The following EYS variants were observed in gnomAD, a reference collection of about 807,000 sequenced individuals.
EYS encodes EGF-like photoreceptor maintenance factor.
EYS carries 250 observed loss-of-function variants against 282.1 expected under a neutral mutation model. That is an observed-to-expected ratio of 0.89 (90% confidence interval 0.80 to 0.98). The LOEUF (loss-of-function observed/expected upper bound fraction) is 0.98. Ranked by LOEUF, EYS falls within the 50% of genes least tolerant of loss-of-function variation. EYS has a pLI of 0.00. For synonymous variants in EYS, 1,355 were observed against 1,282.9 expected (o/e 1.06, Z -1.20); for missense variants, 4,016 against 3,709.0 (o/e 1.08, Z -2.15).
intron 12 of EYS, among the ~76,000 whole-genome samples, chr6:65,156,129 T>C (rs951383137): frequency 1.3e-5 from 2 of 151,250 alleles, no homozygotes; most frequent in African/African-American, 2.4e-5. Flanking sequence ...AGAAATATAA[T>C]TAATGAGACC....
chr6:65,062,142 C>T (rs1773595519), intron 12 of EYS, among the ~76,000 whole-genome samples: 1 of 151,898 alleles, frequency 6.6e-6, no homozygotes, highest in Admixed American at 6.6e-5. Flanking sequence ...TTTCTCCAGT[C>T]CCAGGAACTC....
chr6:64,160,279 A>C (rs1775064365), intron 31 of EYS, among the ~76,000 whole-genome samples: 1 of 152,238 alleles, frequency 6.6e-6, no homozygotes, highest in Non-Finnish European at 1.5e-5. Flanking sequence ...TTACAGTAGC[A>C]CATATGGTAT....
intron 26 of EYS, among the ~76,000 whole-genome samples, chr6:64,456,466 T>C (rs1775562646): frequency 6.6e-6 from 1 of 152,044 alleles, no homozygotes; most frequent in African/African-American, 2.4e-5. Flanking sequence ...ACCAATTACA[T>C]ATATGGGATC....
At chr6:65,174,590 G>T (rs1253542816) in intron 12 of EYS, among the ~76,000 whole-genome samples, 2 of 151,220 alleles carry the variant, frequency 1.3e-5, no homozygotes, top group African/African-American at 2.4e-5. Flanking sequence ...AGAACAAAAT[G>T]TCTTAAAAGA....
intron 34 of EYS, among the ~76,000 whole-genome samples, chr6:63,997,839 A>C (rs1324911048): frequency 6.6e-6 from 1 of 152,232 alleles, no homozygotes; most frequent in Non-Finnish European, 1.5e-5. Flanking sequence ...TATGCTATTC[A>C]TAAGAAAATA....
At chr6:64,488,796 A>C (rs1776649325) in intron 26 of EYS, among the ~76,000 whole-genome samples, 1 of 150,998 alleles carries the variant, frequency 6.6e-6, no homozygotes, top group South Asian at 2.1e-4. Flanking sequence ...AAAAGTATAT[A>C]GGCTTTGGAA....
intron 12 of EYS, among the ~76,000 whole-genome samples, chr6:65,265,924 T>G (rs913872524): frequency 6.6e-6 from 1 of 151,962 alleles, no homozygotes; most frequent in Non-Finnish European, 1.5e-5. Context: ...AAATACAGAA[T>G]TTGATAATAT....
intron 2 of EYS, among the ~76,000 whole-genome samples, chr6:65,566,383 A>G (rs1367332248): frequency 2.0e-5 from 3 of 152,034 alleles, no homozygotes; most frequent in African/African-American, 7.2e-5. Context: ...ATGAGGGGAC[A>G]AGACCTCGAA....
At chr6:64,758,333 T>G (rs1457261187) in intron 22 of EYS, among the ~76,000 whole-genome samples, 3 of 152,158 alleles carry the variant, frequency 2.0e-5, no homozygotes, top group South Asian at 2.1e-4. Context: ...TAGGGGCAAA[T>G]GACAACATCA....
intron 41 of EYS, among the ~76,000 whole-genome samples, 165 bp downstream of exon 41, chr6:63,762,296 C>G (rs1449060364): frequency 6.6e-6 from 1 of 151,964 alleles, no homozygotes; most frequent in Non-Finnish European, 1.5e-5. Context: ...ATTTTAAGTA[C>G]TAGTCTATCT....
At chr6:65,621,409 G>GATCTTCCTCCATCCTTTTAT (rs1326239835) in intron 2 of EYS, among the ~76,000 whole-genome samples, 6 of 151,220 alleles carry the variant, frequency 4.0e-5, no homozygotes, top group Non-Finnish European at 8.8e-5. Flanking sequence ...TGGCTTGGTA[G>GATCTTCCTCCATCCTTTTAT]ATCTTCCTCC....
chr6:65,606,622 C>T (rs1042010493), intron 2 of EYS, among the ~76,000 whole-genome samples: 1 of 151,614 alleles, frequency 6.6e-6, no homozygotes. Flanking sequence ...ACTCAAAATA[C>T]GGAAAACTGA....
chr6:64,324,776 T>C (rs1415775607), intron 29 of EYS, among the ~76,000 whole-genome samples: 1 of 152,172 alleles, frequency 6.6e-6, no homozygotes, highest in Admixed American at 6.5e-5. Flanking sequence ...GATTTCAGGA[T>C]ACAAAATCAA....
In EYS at chr6:65,005,810, G is replaced by C. The variant is rs530730798; in HGVS notation, c.2138-8107C>G. Among the ~76,000 whole-genome samples the C allele has an allele frequency of 1.7e-5, 2 of 119,160 alleles. 1 individual carries two copies. Among genetic ancestry groups the C allele is most frequent in the South Asian group, 5.5e-4 (2 of 3,610 alleles). 78.2% of individuals were successfully genotyped at this position (119,160 alleles called of 152,430 possible). On this transcript the variant is annotated intron_variant, in intron 13 of 42. Coordinates refer to ENST00000503581, the MANE Select transcript of EYS (RefSeq NM_001142800.2). ...CGAACTCCCGGCAGTAGCCGGTTAAGATCATGGCACAGCCAGAAGTCTCTA... is the reference window on the plus strand; with the variant it reads ...CGAACTCCCGGCAGTAGCCGGTTAACATCATGGCACAGCCAGAAGTCTCTA...
rs375219493 is a variant in EYS at position 65,229,271 on chromosome 6, CAAAAAAG to C, written c.2023+66585_2023+66591del. Among the ~76,000 whole-genome samples, 481 of 151,082 alleles carry C rather than the reference CAAAAAAG, an allele frequency of 3.2e-3. 5 individuals carry two copies. Among genetic ancestry groups the C allele is most frequent in the African/African-American group, 0.011 (452 of 41,144 alleles). ...ACAACTAGTGTTGCGGCTAGATAAA[CAAAAAAG>C]AAAAAGAAAAAAAGGAAGCAGGTTT... On this transcript the variant is annotated intron_variant, in intron 12 of 42. Coordinates refer to ENST00000503581, the MANE Select transcript of EYS (RefSeq NM_001142800.2).
intron 15 of EYS, among the ~76,000 whole-genome samples, chr6:64,937,600 A>G (rs1242963631): frequency 6.6e-6 from 1 of 151,562 alleles, no homozygotes; most frequent in Admixed American, 6.6e-5. Flanking sequence ...ACCATTTCAC[A>G]CCTACTAGAA....
chr6:64,194,827 A>T (rs1765232099), intron 31 of EYS, among the ~76,000 whole-genome samples: 1 of 152,122 alleles, frequency 6.6e-6, no homozygotes, highest in South Asian at 2.1e-4. Flanking sequence ...GAGAAAGGTA[A>T]GCTAAAATTT....
In EYS at chr6:63,746,905, G is replaced by C. The variant is rs529209856; in HGVS notation, c.8071+15556C>G. Among the ~76,000 whole-genome samples the C allele has an allele frequency of 7.6e-4, 115 of 152,134 alleles. No individual in the cohort carries two copies. In the South Asian group the frequency reaches 0.015, roughly 19 times the overall value. ...AGCTCCTGGGACTTATTGATTTGTT[G>C]AAGGGTTTTCTGTGTCTCTATCTCC... On this transcript the variant is annotated intron_variant, in intron 41 of 42. Coordinates refer to ENST00000503581, the MANE Select transcript of EYS (RefSeq NM_001142800.2).
At chr6:64,817,051 G>T (rs961460815) in intron 21 of EYS, among the ~76,000 whole-genome samples, 3 of 151,760 alleles carry the variant, frequency 2.0e-5, no homozygotes, top group African/African-American at 7.3e-5. Flanking sequence ...TGTAATGAAT[G>T]TTCCCATTTT....
Sources: allele counts gnomAD v4.1 joint callset (sites outside exome capture counted in the v4.1 genomes callset), GRCh38; gene constraint gnomAD v4.1.1; transcripts MANE v1.5; gene names NCBI Gene and HGNC (gene_info 2026-07-23, HGNC 2026-07-21).